The following DAB1 variants were observed in gnomAD, a reference collection of about 807,000 sequenced individuals.
The protein encoded by DAB1 is disabled homolog 1.
A neutral mutation model predicts 64.6 loss-of-function variants in DAB1; 15 were observed. That is an observed-to-expected ratio of 0.23 (90% CI 0.16 to 0.36). The LOEUF is 0.36. Ranked by LOEUF, DAB1 falls within the 10% of genes least tolerant of loss-of-function variation. DAB1 has a pLI of 1.00. For missense variants in DAB1, 596 were observed against 706.7 expected (o/e 0.84, Z 1.78); for synonymous variants, 235 against 251.9 (o/e 0.93, Z 0.64).
At chr1:58,145,780 G>A (rs1262905421) in intron 5 of DAB1, among the ~76,000 whole-genome samples, 3 of 152,170 alleles carry the variant, frequency 2.0e-5, no homozygotes, top group Admixed American at 1.3e-4. Context: ...ACGGACATGC[G>A]CTTCACTGAC....
chr1:57,242,179 A>G (rs147629718), intron 2 of DAB1, among the ~76,000 whole-genome samples: 255 of 152,334 alleles, frequency 1.7e-3, no homozygotes, highest in African/African-American at 5.8e-3. Context: ...ATATTTTACA[A>G]GCCAACTCCA....
chr1:57,389,545 T>TA (rs1236786669), intron 1 of DAB1, among the ~76,000 whole-genome samples: 5 of 152,120 alleles, frequency 3.3e-5, no homozygotes, highest in African/African-American at 1.2e-4. Flanking sequence ...CCACTGCATA[T>TA]ATGATGAACT....
chr1:57,766,653 T>G (rs567868938), intron 6 of DAB1, among the ~76,000 whole-genome samples: 10 of 152,196 alleles, frequency 6.6e-5, no homozygotes, highest in Non-Finnish European at 1.2e-4. Context: ...CAACCATTTC[T>G]TTGTTTCTCT....
chr1:57,220,106 G>A (rs1299145780), intron 2 of DAB1, among the ~76,000 whole-genome samples: 1 of 152,194 alleles, frequency 6.6e-6, no homozygotes, highest in East Asian at 1.9e-4. Flanking sequence ...TACTGGCCCT[G>A]ATTCAAGGCT....
intron 4 of DAB1, among the ~76,000 whole-genome samples, chr1:58,250,150 G>A (rs547107571): frequency 6.6e-6 from 1 of 152,256 alleles, no homozygotes; most frequent in African/African-American, 2.4e-5. Flanking sequence ...GCGCCCACTA[G>A]ACGGACAGGC....
At chr1:57,868,305 A>G (rs1042112841) in intron 1 of DAB1, among the ~76,000 whole-genome samples, 5 of 141,300 alleles carry the variant, frequency 3.5e-5, no homozygotes, top group Non-Finnish European at 7.4e-5. Context: ...AGGGTGTTCT[A>G]GGCCTGTAAC....
intron 1 of DAB1, among the ~76,000 whole-genome samples, chr1:57,300,592 C>A (rs776541465): frequency 6.6e-6 from 1 of 152,074 alleles, no homozygotes; most frequent in East Asian, 1.9e-4. Flanking sequence ...TGGGTAGCAA[C>A]AAGAGGCAAG....
intron 6 of DAB1, among the ~76,000 whole-genome samples, chr1:57,728,137 T>C (rs755626321): frequency 1.3e-5 from 2 of 152,236 alleles, no homozygotes; most frequent in Non-Finnish European, 2.9e-5. Context: ...GGATGTTGTC[T>C]GGGCTCAAAG....
intron 4 of DAB1, among the ~76,000 whole-genome samples, chr1:58,263,058 A>T (rs537280031): frequency 6.6e-6 from 1 of 152,346 alleles, no homozygotes; most frequent in Non-Finnish European, 1.5e-5. Context: ...TAATAATGTA[A>T]CCTATTCTTA....
At chr1:58,167,084 C>T (rs1318271800) in intron 4 of DAB1, among the ~76,000 whole-genome samples, 1 of 151,334 alleles carries the variant, frequency 6.6e-6, no homozygotes, top group Non-Finnish European at 1.5e-5. Flanking sequence ...AAATTGCTGC[C>T]ATAATGGCTG....
At chr1:57,358,210 C>T (rs1452573426) in intron 1 of DAB1, among the ~76,000 whole-genome samples, 2 of 152,014 alleles carry the variant, frequency 1.3e-5, no homozygotes, top group African/African-American at 4.8e-5. Context: ...TGAAAGTGGG[C>T]ATTCTTGTCT....
intron 1 of DAB1, among the ~76,000 whole-genome samples, chr1:57,850,452 GTTT>G (rs5774375): frequency 0.074 from 10,825 of 147,070 alleles, 609 homozygotes; most frequent in Admixed American, 0.21. Flanking sequence ...AGATAATGTA[GTTT>G]TTTTTTTTTT....
At chr1:57,419,982 T>G (rs976649876) in intron 1 of DAB1, among the ~76,000 whole-genome samples, 1 of 152,252 alleles carries the variant, frequency 6.6e-6, no homozygotes, top group Non-Finnish European at 1.5e-5. Flanking sequence ...TAAACAATTA[T>G]TTACTAATTG....
At chr1:58,307,846 G>C (rs573280664) in intron 4 of DAB1, among the ~76,000 whole-genome samples, 3 of 152,200 alleles carry the variant, frequency 2.0e-5, no homozygotes, top group Non-Finnish European at 4.4e-5. Flanking sequence ...ATGAGCTGCA[G>C]ACTTGGCCAG....
At chr1:57,337,404 G>T (rs961365263) in intron 1 of DAB1, among the ~76,000 whole-genome samples, 13 of 152,072 alleles carry the variant, frequency 8.5e-5, no homozygotes, top group African/African-American at 2.9e-4. Flanking sequence ...CCCTGCCTTT[G>T]CATCTGCTGT....
intron 1 of DAB1, among the ~76,000 whole-genome samples, chr1:57,376,938 A>G (rs1680943615): frequency 6.6e-6 from 1 of 152,246 alleles, no homozygotes; most frequent in Non-Finnish European, 1.5e-5. Flanking sequence ...CTTGAAAGAT[A>G]TGAATCTGAT....
intron 7 of DAB1, among the ~76,000 whole-genome samples, chr1:57,628,076 C>T (rs185399207): frequency 6.6e-6 from 1 of 152,312 alleles, no homozygotes; most frequent in African/African-American, 2.4e-5. Context: ...GTGAAAAGAA[C>T]ACCCAATTTG....
At position 57,983,985 on chromosome 1, in the gene DAB1, C is replaced by T. The variant is rs1014311650; in HGVS notation, n.388-99823G>A. Among the ~76,000 whole-genome samples the T allele has an allele frequency of 2.6e-5, 4 of 151,974 alleles. No individual in the cohort carries two copies. In the East Asian group the frequency reaches 5.8e-4, roughly 22 times the overall value. On this transcript the variant is annotated intron_variant and non_coding_transcript_variant, in intron 5 of 20. Transcript: ENST00000485760. ...AAAAACATACACACGCGCACATGCA[C>T]ATGTGCACACACACATTTACTATGA...
intron 7 of DAB1, among the ~76,000 whole-genome samples, chr1:57,622,728 T>C (rs1645875389): frequency 6.6e-6 from 1 of 152,228 alleles, no homozygotes; most frequent in African/African-American, 2.4e-5. Flanking sequence ...TGCTGCTCCA[T>C]CGCTGCCTTT....
Sources: gnomAD v4.1 joint callset for allele counts (sites outside exome capture counted in the v4.1 genomes callset) on GRCh38, gnomAD v4.1.1 for gene constraint, MANE v1.5 for transcripts, NCBI Gene and HGNC (gene_info 2026-07-23, HGNC 2026-07-21) for gene names.